Variants in EPHB1 observed in about 807,000 individuals in gnomAD.
The protein encoded by EPHB1 is EPH receptor B1.
A neutral mutation model predicts 94.4 loss-of-function variants in EPHB1; 30 were observed. The ratio of observed to expected loss-of-function variants is 0.32; its 90% confidence interval spans 0.24 to 0.43. The LOEUF (loss-of-function observed/expected upper bound fraction) is 0.43, where lower values mean the gene tolerates loss of function less well. Among genes scored for constraint, EPHB1 ranks in the 20% least tolerant of loss-of-function variants. The pLI is 1.00. For synonymous variants in EPHB1, 522 were observed against 489.1 expected, an observed-to-expected ratio of 1.07 and a Z score of -0.89; for missense variants, 1,055 against 1,308.3, an observed-to-expected ratio of 0.81 and a Z score of 2.99.
intron 2 of EPHB1, among the ~76,000 whole-genome samples, chr3:134,932,849 C>T (rs949580219): frequency 1.3e-5 from 2 of 152,112 alleles, no homozygotes; most frequent in African/African-American, 4.8e-5. Flanking sequence ...TGGAATTTCA[C>T]CACATTTGAA....
At chr3:135,081,286 A>G (rs960534868) in intron 3 of EPHB1, among the ~76,000 whole-genome samples, 4 of 152,086 alleles carry the variant, frequency 2.6e-5, no homozygotes, top group Non-Finnish European at 5.9e-5. Flanking sequence ...GCTACTTTAG[A>G]AAAAAAACCT....
At chr3:134,857,029 G>A (rs1019320697) in intron 1 of EPHB1, among the ~76,000 whole-genome samples, 3 of 152,216 alleles carry the variant, frequency 2.0e-5, no homozygotes, top group East Asian at 1.9e-4. Flanking sequence ...GTTTAGGCAG[G>A]TTCTTTTTGT....
At chr3:135,058,026 G>A (rs978782674) in intron 3 of EPHB1, among the ~76,000 whole-genome samples, 6 of 152,242 alleles carry the variant, frequency 3.9e-5, no homozygotes, top group Non-Finnish European at 8.8e-5. Flanking sequence ...TAAAGCTGGC[G>A]TGGGTTCTCT....
chr3:134,884,877 A>G (rs562876094), intron 1 of EPHB1, among the ~76,000 whole-genome samples: 1 of 152,328 alleles, frequency 6.6e-6, no homozygotes, highest in African/African-American at 2.4e-5. Context: ...CAGTCAGTCA[A>G]TCAGCAAGCA....
chr3:135,230,374 T>A (rs770210327), intron 12 of EPHB1, among the ~76,000 whole-genome samples: 2 of 152,116 alleles, frequency 1.3e-5, no homozygotes, highest in African/African-American at 2.4e-5. Flanking sequence ...TGGCTCTCTC[T>A]GTTCATTATC....
intron 1 of EPHB1, among the ~76,000 whole-genome samples, chr3:134,846,646 G>A (rs1241307463): frequency 2.0e-5 from 3 of 152,090 alleles, no homozygotes; most frequent in Non-Finnish European, 4.4e-5. Context: ...TCCTCTTCAC[G>A]AAAGTCTTTG....
chr3:134,935,816 A>G (rs1031316049), intron 2 of EPHB1, among the ~76,000 whole-genome samples: 4 of 127,564 alleles, frequency 3.1e-5, no homozygotes, highest in African/African-American at 1.3e-4. Flanking sequence ...TATTAATAGC[A>G]GTGCTATTAT....
At chr3:135,206,910 GAAA>G (rs899122315) in intron 12 of EPHB1, among the ~76,000 whole-genome samples, 1 of 146,656 alleles carries the variant, frequency 6.8e-6, no homozygotes, top group South Asian at 2.2e-4. Context: ...CTTCTTTTAA[GAAA>G]AAAAAAAGCT....
chr3:134,886,646 A>G (rs1004846781), intron 1 of EPHB1, among the ~76,000 whole-genome samples: 6 of 152,178 alleles, frequency 3.9e-5, no homozygotes, highest in African/African-American at 1.2e-4. Flanking sequence ...TAAATATTTT[A>G]CAGCTCTAAT....
intron 3 of EPHB1, among the ~76,000 whole-genome samples, chr3:135,097,711 T>C (rs1045086398): frequency 6.6e-6 from 1 of 152,230 alleles, no homozygotes; most frequent in Non-Finnish European, 1.5e-5. Flanking sequence ...TACAAGTGTA[T>C]GACACAGCTA....
At chr3:134,930,817 T>G (rs1012373936) in intron 2 of EPHB1, among the ~76,000 whole-genome samples, 2 of 152,162 alleles carry the variant, frequency 1.3e-5, no homozygotes, top group Non-Finnish European at 2.9e-5. Context: ...ATGGCTGGGG[T>G]GGGTGCCCCA....
chr3:134,898,566 C>T (rs769033068), intron 1 of EPHB1, among the ~76,000 whole-genome samples: 6 of 152,284 alleles, frequency 3.9e-5, no homozygotes, highest in Middle Eastern at 3.4e-3. Flanking sequence ...AGAGTCTGCA[C>T]GCTAGCAGGT....
At chr3:135,163,447 G>A (rs905048) in intron 7 of EPHB1, among the ~76,000 whole-genome samples, 113,726 of 152,062 alleles carry the variant, frequency 0.75, 42,958 homozygotes, top group East Asian at 1. Flanking sequence ...ATTTGAGGTG[G>A]ACTTTCTCTC....
chr3:135,126,641 T>C (rs1011594097), intron 4 of EPHB1, among the ~76,000 whole-genome samples: 5 of 152,190 alleles, frequency 3.3e-5, no homozygotes, highest in African/African-American at 1.2e-4. Context: ...AAGGTGCAGA[T>C]TGGGGCAGGC....
intron 1 of EPHB1, among the ~76,000 whole-genome samples, chr3:134,843,076 CA>C (rs1442313974): frequency 6.6e-6 from 1 of 152,080 alleles, no homozygotes; most frequent in African/African-American, 2.4e-5. Flanking sequence ...GTATTTTATG[CA>C]GATTTGCTGG....
chr3:135,147,208 G>A (rs756065042), intron 5 of EPHB1, among the ~76,000 whole-genome samples: 2 of 151,934 alleles, frequency 1.3e-5, no homozygotes, highest in African/African-American at 4.8e-5. Flanking sequence ...TACCTTACCC[G>A]TTTTCTTCAC....
At chr3:134,929,479 G>T (rs2038861807) in intron 2 of EPHB1, among the ~76,000 whole-genome samples, 1 of 152,246 alleles carries the variant, frequency 6.6e-6, no homozygotes, top group Non-Finnish European at 1.5e-5. Flanking sequence ...TCAGCTGCCT[G>T]ACTGCCTGGA....
intron 3 of EPHB1, among the ~76,000 whole-genome samples, chr3:135,002,880 TCAA>T (rs1935236302): frequency 1.3e-5 from 2 of 151,948 alleles, no homozygotes; most frequent in Non-Finnish European, 2.9e-5. Flanking sequence ...TAGCGGTCTA[TCAA>T]TTTTGTTGAT....
At chr3:134,950,689 A>T (rs944476475) in intron 2 of EPHB1, among the ~76,000 whole-genome samples, 3 of 152,110 alleles carry the variant, frequency 2.0e-5, no homozygotes, top group African/African-American at 4.8e-5. Context: ...ATGGTGCTAA[A>T]CCGTTCATGA....
Sources: allele counts gnomAD v4.1 joint callset (sites outside exome capture counted in the v4.1 genomes callset), GRCh38; gene constraint gnomAD v4.1.1; transcripts MANE v1.5; gene names NCBI Gene and HGNC (gene_info 2026-07-23, HGNC 2026-07-21).